The following GABRB1 variants were observed in gnomAD, a reference collection of about 807,000 sequenced individuals.
GABRB1 encodes gamma-aminobutyric acid type A receptor subunit beta1.
GABRB1 carries 17 observed loss-of-function variants against 51.6 expected under a neutral mutation model. That is an observed-to-expected ratio of 0.33 (90% CI 0.23 to 0.49). The LOEUF (loss-of-function observed/expected upper bound fraction) is 0.49, where lower values mean the gene tolerates loss of function less well. Among genes scored for constraint, GABRB1 ranks in the 20% least tolerant of loss-of-function variants. The pLI is 0.99. For missense variants in GABRB1, 410 were observed against 600.6 expected, an observed-to-expected ratio of 0.68 and a Z score of 3.32; for synonymous variants, 247 against 218.9, an observed-to-expected ratio of 1.13 and a Z score of -1.14.
intron 4 of GABRB1, among the ~76,000 whole-genome samples, chr4:47,271,667 A>C (rs1195524798): frequency 6.6e-6 from 1 of 152,134 alleles, no homozygotes; most frequent in Admixed American, 6.6e-5. Context: ...CCTATACACA[A>C]TTTTATATTA....
intron 1 of GABRB1, among the ~76,000 whole-genome samples, chr4:47,021,475 T>A (rs1324733706): frequency 6.6e-6 from 1 of 152,128 alleles, no homozygotes. Context: ...ATGATGAAGC[T>A]GGGAAAAAAT....
chr4:47,194,385 A>G (rs1218237071), intron 4 of GABRB1, among the ~76,000 whole-genome samples: 3 of 152,144 alleles, frequency 2.0e-5, no homozygotes, highest in South Asian at 2.1e-4. Flanking sequence ...GTTTCTGCCA[A>G]TCCTCTTGTT....
At chr4:47,195,443 GATGATAGATAGATTA>G (rs1386510338) in intron 4 of GABRB1, among the ~76,000 whole-genome samples, 14 of 27,864 alleles carry the variant, frequency 5.0e-4, no homozygotes, top group African/African-American at 2.0e-3. Context: ...TAGATAGATA[GATGATAGATAGATTA>G]GATGATAGAT....
chr4:47,315,247 A>G (rs1165323815), intron 4 of GABRB1, among the ~76,000 whole-genome samples: 1 of 152,034 alleles, frequency 6.6e-6, no homozygotes, highest in Non-Finnish European at 1.5e-5. Flanking sequence ...ACCTTTCAAA[A>G]GAAGACATAC....
chr4:47,339,684 T>A (rs915315229), intron 5 of GABRB1, among the ~76,000 whole-genome samples: 1 of 152,036 alleles, frequency 6.6e-6, no homozygotes, highest in African/African-American at 2.4e-5. Flanking sequence ...GTTAAATGAA[T>A]TCACCAAATA....
In GABRB1 at chr4:47,167,711, A is replaced by G. The variant is rs765309080; in HGVS notation, c.461+6242A>G. On this transcript the variant is annotated intron_variant, in intron 4 of 8. Transcript: ENST00000295454. ...GGGCTCCATCCTTGCAAATGGACTAAAGCTTTTCATGGGAGTTGGTGTGCC... is the reference window on the plus strand; with the variant it reads ...GGGCTCCATCCTTGCAAATGGACTAGAGCTTTTCATGGGAGTTGGTGTGCC... Among the ~76,000 whole-genome samples, 4 of 152,202 alleles carry G rather than the reference A, an allele frequency of 2.6e-5. No individual in the cohort carries two copies. The South Asian group carries it at 8.3e-4, about 32-fold the overall frequency.
chr4:47,119,123 T>C (rs1262833592), intron 3 of GABRB1, among the ~76,000 whole-genome samples: 3 of 152,160 alleles, frequency 2.0e-5, no homozygotes, highest in Admixed American at 6.5e-5. Context: ...TAAACATATC[T>C]ATCTATCTAT....
intron 4 of GABRB1, among the ~76,000 whole-genome samples, chr4:47,253,022 T>C (rs1327177803): frequency 6.6e-6 from 1 of 152,112 alleles, no homozygotes. Context: ...ATAACAACCT[T>C]AGGAAGAAGA....
At chr4:47,268,444 C>G (rs1489673280) in intron 4 of GABRB1, among the ~76,000 whole-genome samples, 1 of 152,068 alleles carries the variant, frequency 6.6e-6, no homozygotes, top group East Asian at 1.9e-4. Flanking sequence ...GTAGGGGATG[C>G]TTTATTTCCT....
At chr4:47,419,686 A>G (rs1022605156) in intron 8 of GABRB1, among the ~76,000 whole-genome samples, 2 of 152,234 alleles carry the variant, frequency 1.3e-5, no homozygotes, top group African/African-American at 4.8e-5. Context: ...AGTGTCTGGA[A>G]CAGTGCCTGA....
chr4:47,133,717 A>G lies in GABRB1; in HGVS notation c.241-27532A>G, dbSNP rs578080540. On this transcript the variant is annotated intron_variant, in intron 3 of 8. Transcript: ENST00000295454. ...CAGGTTACGTGTTTTTAGCAGGACT[A>G]TCACAGAAATAATGCTGTGTTCTCA... Among the ~76,000 whole-genome samples the G allele has an allele frequency of 4.6e-5, 7 of 152,320 alleles. 1 individual carries two copies. The highest frequency in any genetic ancestry group is 1.7e-4 in the African/African-American group (7 of 41,576).
chr4:47,003,914 C>T (rs1048965296), intron 1 of GABRB1, among the ~76,000 whole-genome samples: 8 of 152,320 alleles, frequency 5.3e-5, no homozygotes, highest in African/African-American at 1.9e-4. Context: ...CACATATTTA[C>T]AGGCAAGTTA....
At chr4:47,158,679 C>A (rs1479896068) in intron 3 of GABRB1, among the ~76,000 whole-genome samples, 1 of 151,998 alleles carries the variant, frequency 6.6e-6, no homozygotes, top group East Asian at 1.9e-4. Flanking sequence ...CCTATACTGG[C>A]TGAATTATAA....
intron 4 of GABRB1, among the ~76,000 whole-genome samples, chr4:47,253,146 G>T (rs1439066967): frequency 1.3e-5 from 2 of 152,174 alleles, no homozygotes; most frequent in South Asian, 4.1e-4. Flanking sequence ...GCAAGGCAGT[G>T]TGCCTGGCCT....
chr4:47,269,815 A>T (rs969905181), intron 4 of GABRB1, among the ~76,000 whole-genome samples: 1 of 152,052 alleles, frequency 6.6e-6, no homozygotes, highest in Admixed American at 6.6e-5. Context: ...TGCAAGAGGA[A>T]CTCCTCAAAT....
intron 1 of GABRB1, among the ~76,000 whole-genome samples, chr4:46,994,864 G>C (rs1334516774): frequency 5.3e-5 from 8 of 152,178 alleles, no homozygotes; most frequent in Non-Finnish European, 1.2e-4. Flanking sequence ...TAGTGGACGG[G>C]TATGAAGAGG....
In GABRB1 at chr4:47,155,916, CAT is replaced by C. The variant is rs10525795; in HGVS notation, c.241-5304_241-5303del. Among the ~76,000 whole-genome samples, 414 of 73,590 alleles carry C rather than the reference CAT, an allele frequency of 5.6e-3. 25 individuals carry two copies. The highest frequency in any genetic ancestry group is 0.015 in the South Asian group (23 of 1,510). 48.3% of individuals were successfully genotyped at this position (73,590 alleles called of 152,430 possible). A position where few individuals can be genotyped will look rare whatever the true frequency, so the allele number is the denominator to read the frequency against. ...TACTCATACTAAAAAGAGGTATTTT[CAT>C]ATATATATATATATATATATATATA... On this transcript the variant is annotated intron_variant, in intron 3 of 8. Coordinates refer to ENST00000295454, the MANE Select transcript of GABRB1 (RefSeq NM_000812.4).
At chr4:47,158,553 G>A (rs557393697) in intron 3 of GABRB1, among the ~76,000 whole-genome samples, 7 of 152,198 alleles carry the variant, frequency 4.6e-5, no homozygotes, top group South Asian at 2.1e-4. Flanking sequence ...TGTGGCACTC[G>A]TAAGAATCTG....
intron 1 of GABRB1, among the ~76,000 whole-genome samples, chr4:46,997,458 A>G (rs1033112870): frequency 4.0e-5 from 6 of 150,782 alleles, no homozygotes; most frequent in Non-Finnish European, 8.9e-5. Flanking sequence ...TTTCTTATAC[A>G]TAACTATAAC....
Sources: allele counts gnomAD v4.1 joint callset (sites outside exome capture counted in the v4.1 genomes callset), GRCh38; gene constraint gnomAD v4.1.1; transcripts MANE v1.5; gene names NCBI Gene and HGNC (gene_info 2026-07-23, HGNC 2026-07-21).